The following BPNT1 variants were observed in gnomAD, a reference collection of about 807,000 sequenced individuals.
BPNT1 encodes the protein 3'(2'), 5'-bisphosphate nucleotidase 1.
In BPNT1, 28 loss-of-function variants were observed where a neutral mutation model predicts 36.9. The ratio of observed to expected loss-of-function variants is 0.76; its 90% confidence interval spans 0.56 to 1.04. The LOEUF (loss-of-function observed/expected upper bound fraction) is 1.04. Ranked by LOEUF, BPNT1 falls within the 50% of genes least tolerant of loss-of-function variation. BPNT1 has a pLI of 0.00. For missense variants in BPNT1, 313 were observed against 372.9 expected, an observed-to-expected ratio of 0.84 and a Z score of 1.32; for synonymous variants, 119 against 130.9, an observed-to-expected ratio of 0.91 and a Z score of 0.62.
intron 2 of BPNT1, 26 bp from the exon 3 acceptor site, chr1:220,074,097 C>A (rs1558091315): frequency 6.9e-6 from 11 of 1,598,964 alleles, no homozygotes; most frequent in East Asian, 6.7e-5. Context: ...CAAATTTTAG[C>A]AGAGCTAATG....
intron 1 of BPNT1, among the ~76,000 whole-genome samples, chr1:220,082,044 A>C (rs993384638): frequency 6.8e-6 from 1 of 146,136 alleles, no homozygotes; most frequent in Non-Finnish European, 1.5e-5. Context: ...ATAAGGGAAC[A>C]CATGATTGTT....
At position 220,078,607 on chromosome 1, in the gene BPNT1, A is replaced by T. The variant is rs185783284; in HGVS notation, c.120+1120T>A. ...TATAATAACACACATATATATATATATTTTTTTGAGATGTAGTCTTGCTTT... is the reference window on the plus strand; with the variant it reads ...TATAATAACACACATATATATATATTTTTTTTTGAGATGTAGTCTTGCTTT... On this transcript the variant is annotated intron_variant, in intron 2 of 8. Transcript: ENST00000322067. Among the ~76,000 whole-genome samples, 723 of 146,734 alleles carry T rather than the reference A, an allele frequency of 4.9e-3. 2 individuals are homozygous for T. The highest frequency in any genetic ancestry group is 0.015 in the East Asian group (79 of 5,114).
At chr1:220,075,959 G>C (rs1664506836) in intron 2 of BPNT1, among the ~76,000 whole-genome samples, 2 of 152,238 alleles carry the variant, frequency 1.3e-5, no homozygotes, top group South Asian at 4.1e-4. Flanking sequence ...TTAAGGAAAA[G>C]GATCTGAAAG....
At chr1:220,073,141 A>G (rs1018733273) in intron 3 of BPNT1, among the ~76,000 whole-genome samples, 184 bp from the exon 4 acceptor site, 3 of 152,248 alleles carry the variant, frequency 2.0e-5, no homozygotes, top group Non-Finnish European at 4.4e-5. Context: ...TGGCTCATCA[A>G]AATTGACTAA....
At position 220,062,901 on chromosome 1, in the gene BPNT1, G is replaced by A. The variant is rs747952992; in HGVS notation, c.528C>T (p.Gly176=). The part of the protein sequence containing the change: ...GRTIWGVLGL[G]AFGFQLKEVP... ...CTTCTTTCAGCTGAAACCCAAAGGC[G>A]CCTAAACCTAAAACTCCCCAGATTG... The change falls in exon 7 of 9, where the codon GGC becomes GGT. Residue 176 remains glycine (G), a synonymous_variant. Transcript: ENST00000322067. The A allele has an allele frequency of 1.3e-5, 21 of 1,613,950 alleles. No homozygotes were observed. Among genetic ancestry groups the A allele is most frequent in the Admixed American group, 1.0e-4 (6 of 59,966 alleles).
At chr1:220,071,890 T>C (rs1664092800) in intron 4 of BPNT1, among the ~76,000 whole-genome samples, 1 of 151,704 alleles carries the variant, frequency 6.6e-6, no homozygotes, top group African/African-American at 2.4e-5. Flanking sequence ...ATTCTCCATG[T>C]TGGTCAGGCT....
intron 4 of BPNT1, among the ~76,000 whole-genome samples, chr1:220,071,640 T>C (rs1039667109): frequency 7.2e-5 from 11 of 152,162 alleles, no homozygotes; most frequent in East Asian, 1.9e-4. Flanking sequence ...TATAGACCAA[T>C]AGAATATAAC....
intron 1 of BPNT1, among the ~76,000 whole-genome samples, chr1:220,084,511 T>G (rs891982688): frequency 7.2e-5 from 11 of 152,184 alleles, no homozygotes; most frequent in African/African-American, 2.7e-4. Context: ...CATATTTTAA[T>G]TATGTGTTCG....
chr1:220,068,767 G>A (rs1409254121), intron 5 of BPNT1, among the ~76,000 whole-genome samples: 1 of 152,286 alleles, frequency 6.6e-6, no homozygotes. Context: ...CCGAGATGGT[G>A]CCACTGCACT....
intron 4 of BPNT1, among the ~76,000 whole-genome samples, chr1:220,071,560 C>T (rs1571761708): frequency 6.6e-6 from 1 of 152,280 alleles, no homozygotes; most frequent in Middle Eastern, 3.4e-3. Context: ...CAAAGTAGGA[C>T]AACTTACACT....
Position 220,067,392 on chromosome 1 carries a change from A to G in BPNT1, c.384T>C (p.Gly128=), listed in dbSNP as rs199772736. 1.1e-5 allele frequency: 17 copies of G among 1,599,666 alleles called. No homozygotes were observed. The East Asian group carries it at 3.8e-4, about 36-fold the overall frequency. ...TAAGAACTGTTACATTGTCAAGAAGACCTGCAAAGAAGAAATAAATATCAG... is the reference window on the plus strand; with the variant it reads ...TAAGAACTGTTACATTGTCAAGAAGGCCTGCAAAGAAGAAATAAATATCAG... ...PLDGTKEYTE[G]LLDNVTVLIG... The change falls in exon 6 of 9, where the codon GGT becomes GGC. Residue 128 remains glycine, a splice_region_variant and synonymous_variant. Coordinates refer to ENST00000322067, the MANE Select transcript of BPNT1 (RefSeq NM_006085.6).
chr1:220,059,576 T>TA (rs1211660766), intron 8 of BPNT1, 110 bp downstream of exon 8: 1 of 834,812 alleles, frequency 1.2e-6, no homozygotes, highest in Non-Finnish European at 1.8e-6. Context: ...AGCTGCCTTC[T>TA]AGCTTTTATA....
Position 220,059,676 on chromosome 1 carries a change from A to G in BPNT1, c.778+10T>C. On this transcript the variant is annotated intron_variant, in intron 8 of 8. Transcript: ENST00000322067. ...AAAACTATGAATTTCCTCAAATAAA[A>G]CAGACTAACCTCCCACAGCATGTAA... 1 of 1,580,768 alleles carries G rather than the reference A, an allele frequency of 6.3e-7. No homozygotes were observed. The highest frequency in any genetic ancestry group is 1.4e-5 in the African/African-American group (1 of 73,564).
intron 1 of BPNT1, among the ~76,000 whole-genome samples, chr1:220,088,349 C>A (rs1377979880): frequency 1.3e-5 from 2 of 151,240 alleles, no homozygotes; most frequent in African/African-American, 2.4e-5. Flanking sequence ...CAAAAATTAA[C>A]CAGGCATAGT....
At chr1:220,072,613 C>T (rs1325481054) in intron 4 of BPNT1, among the ~76,000 whole-genome samples, 1 of 152,154 alleles carries the variant, frequency 6.6e-6, no homozygotes, top group Admixed American at 6.5e-5. Context: ...CCATGCCTGT[C>T]CCTAAAAGTA....
At position 220,062,875 on chromosome 1, in the gene BPNT1, A is replaced by T; in HGVS notation, c.554T>A (p.Val185Asp). The stretch of plus-strand genomic sequence containing the variant: ...TGTGATAATGTGTTTCCCAGCAGGG[A>T]CTTCTTTCAGCTGAAACCCAAAGGC... ...LGAFGFQLKE[V>D]PAGKHIITTT... Residue 185 changes from valine (V) to aspartate (D), a missense_variant, in exon 7 of 9, where the codon GTC becomes GAC. Transcript: ENST00000322067. The T allele has an allele frequency of 6.2e-7, 1 of 1,613,996 alleles. No homozygotes were observed. Among genetic ancestry groups the T allele is most frequent in the Non-Finnish European group, 8.5e-7 (1 of 1,180,002 alleles).
Position 220,072,855 on chromosome 1 carries a change from C to A in BPNT1, c.328G>T (p.Glu110Ter). ...AGTATAAATATGGGTCATACATCTT[C>A]TTCTTTAATAGCACTGTACTGCGAT... The part of the protein sequence containing the change: ...CPSQYSAIKE[E>*]DLVVWVDPLD... Residue 110 changes from glutamate to a stop codon, truncating the protein, a stop_gained, in exon 4 of 9, where the codon GAA becomes TAA. Transcript: ENST00000322067. LOFTEE classifies it high-confidence loss of function. 1 of 1,613,128 alleles carries A rather than the reference C, an allele frequency of 6.2e-7. No homozygotes were observed. Among genetic ancestry groups the A allele is most frequent in the African/African-American group, 1.3e-5 (1 of 75,060 alleles).
At chr1:220,087,015 C>A (rs1382453949) in intron 1 of BPNT1, among the ~76,000 whole-genome samples, 2 of 147,076 alleles carry the variant, frequency 1.4e-5, no homozygotes, top group Non-Finnish European at 3.0e-5. Flanking sequence ...CCACTGCACT[C>A]CAGCCTGGGC....
chr1:220,074,126 G>T, intron 2 of BPNT1, 55 bp from the exon 3 acceptor site: 1 of 1,511,710 alleles, frequency 6.6e-7, no homozygotes, highest in South Asian at 1.2e-5. Flanking sequence ...GTTGTCCTCT[G>T]ATTCCTTGTG....
Sources: allele counts gnomAD v4.1 joint callset (sites outside exome capture counted in the v4.1 genomes callset), GRCh38; gene constraint gnomAD v4.1.1; transcripts MANE v1.5; gene names NCBI Gene and HGNC (gene_info 2026-07-23, HGNC 2026-07-21).